ACACB: variants seen among roughly 807,000 people sequenced by gnomAD.
The protein encoded by ACACB is acetyl-CoA carboxylase 2.
Under a neutral mutation model 278.8 loss-of-function variants are expected in ACACB, and 209 were observed. That is an observed-to-expected ratio of 0.75 (90% CI 0.67 to 0.84). The LOEUF is 0.84. Ranked by LOEUF, ACACB falls within the 40% of genes least tolerant of loss-of-function variation. ACACB has a pLI of 0.00. For synonymous variants in ACACB, 1,174 were observed against 1,285.6 expected (o/e 0.91, Z 1.86); for missense variants, 2,850 against 3,269.0 (o/e 0.87, Z 3.13).
In ACACB at chr12:109,179,082, C is replaced by G; in HGVS notation, c.1438-6C>G. 6.2e-7 allele frequency: 1 copy of G among 1,611,152 alleles called. No individual in the cohort carries two copies. Among genetic ancestry groups the G allele is most frequent in the Non-Finnish European group, 8.5e-7 (1 of 1,178,616 alleles). On this transcript the variant is annotated splice_region_variant and splice_polypyrimidine_tract_variant and intron_variant, in intron 9 of 52. Transcript: ENST00000338432. ...GAAGATCAGGCTGCTCTGCTTCCCC[C>G]GACAGGTACAGAGTGAGATCCCAGG...
chr12:109,131,897 G>A (rs765759452), intron 1 of ACACB, among the ~76,000 whole-genome samples: 4 of 152,024 alleles, frequency 2.6e-5, no homozygotes, highest in Admixed American at 6.6e-5. Context: ...TCTTGACCAC[G>A]GCCCCCCCAC....
chr12:109,249,842 GC>G, intron 40 of ACACB, 141 bp from the exon 41 acceptor site: 3 of 1,081,592 alleles, frequency 2.8e-6, no homozygotes, highest in Non-Finnish European at 3.9e-6. Flanking sequence ...GGTTCTAGAT[GC>G]CAATTTCATT....
In ACACB at chr12:109,172,321, C is replaced by T. The variant is rs199655635; in HGVS notation, c.1082C>T (p.Pro361Leu). The change falls in exon 6 of 53, where the codon CCG (proline) becomes CTG (leucine). Residue 361 changes from proline (P) to leucine (L), a missense_variant. Pro to Leu is a moderately conservative substitution (Grantham distance 98, BLOSUM62 -3). This residue lies in a region of ACACB where 2,265 missense variants were observed against 2,561.3 expected (regional missense o/e 0.88). Transcript: ENST00000338432. Reference protein sequence around the residue: ...WGHASENPKLPELLCKNGVAF... With the variant: ...WGHASENPKLLELLCKNGVAF... ...CATGCTTCAGAAAACCCTAAACTTC[C>T]GGAGCTGCTGTGCAAGAATGGAGTT... 6.6e-5 allele frequency: 106 copies of T among 1,614,006 alleles called. No homozygotes were observed. Among genetic ancestry groups the T allele is most frequent in the East Asian group, 4.7e-4 (21 of 44,888 alleles).
At position 109,260,554 on chromosome 12, in the gene ACACB, ATCTATATCCCGCCC is replaced by A. The variant is rs761486242; in HGVS notation, c.6573_6586del (p.Tyr2192CysfsTer42). On this transcript the variant is annotated frameshift_variant, in exon 48 of 53. Transcript: ENST00000338432. LOFTEE classifies it high-confidence loss of function. ...TAGACAATACAAACAGCCCATCCTGATCTATATCCCGCCCTATGCGGAGCTCCGGGGAGGCTCCT... is the reference window on the plus strand; with the variant it reads ...TAGACAATACAAACAGCCCATCCTGATATGCGGAGCTCCGGGGAGGCTCCT... 4.3e-6 allele frequency: 7 copies of A among 1,614,222 alleles called. No individual in the cohort carries two copies. Among genetic ancestry groups the A allele is most frequent in the Non-Finnish European group, 5.9e-6 (7 of 1,180,038 alleles).
intron 1 of ACACB, among the ~76,000 whole-genome samples, chr12:109,132,186 A>G (rs961318957): frequency 1.3e-5 from 2 of 150,864 alleles, no homozygotes; most frequent in Non-Finnish European, 3.0e-5. Context: ...TTTTTTTGAG[A>G]TGGAGTCTCA....
rs376654705 is a variant in ACACB at position 109,212,978 on chromosome 12, A to G, written c.3350+42A>G. On this transcript the variant is annotated intron_variant, in intron 22 of 52. Coordinates refer to ENST00000338432, the MANE Select transcript of ACACB (RefSeq NM_001093.4). ...CCCGTAGGATGTGGTTGTCACCTGA[A>G]TCGTCGCATGCATTGCACCAGGGTG... is the stretch of plus-strand genomic sequence containing the variant. The G allele has an allele frequency of 2.0e-4, 315 of 1,554,380 alleles. 3 individuals carry two copies. Among genetic ancestry groups the G allele is most frequent in the South Asian group, 1.3e-3 (117 of 89,772 alleles).
intron 34 of ACACB, among the ~76,000 whole-genome samples, chr12:109,238,651 G>A (rs989841916): frequency 1.3e-5 from 2 of 150,190 alleles, no homozygotes; most frequent in South Asian, 2.1e-4. Context: ...TGCAACCTCC[G>A]CACCCCCGGG....
Position 109,234,110 on chromosome 12 carries a change from C to T in ACACB, c.4347+65C>T, listed in dbSNP as rs1367528093. 14 of 1,372,020 alleles carry T rather than the reference C, an allele frequency of 1.0e-5. No homozygotes were observed. The East Asian group carries it at 2.0e-4, about 20-fold the overall frequency. The allele number at this position is 1,372,020 out of a possible 1,614,324, so 85.0% of individuals were successfully genotyped here. A position where few individuals can be genotyped will look rare whatever the true frequency, so the allele number is the denominator to read the frequency against. On this transcript the variant is annotated intron_variant, in intron 31 of 52. Coordinates refer to ENST00000338432, the MANE Select transcript of ACACB (RefSeq NM_001093.4). ...GAGAAGGAGGAGGGGCTGGGCTCGT[C>T]GAGGCGGCCCTTGGGGAGGCAGGCG...
chr12:109,205,911 T>C (rs1281278798), intron 19 of ACACB, among the ~76,000 whole-genome samples: 2 of 152,122 alleles, frequency 1.3e-5, no homozygotes, highest in Admixed American at 6.5e-5. Context: ...GTAGAATGAA[T>C]GAGTAGACGA....
intron 2 of ACACB, among the ~76,000 whole-genome samples, chr12:109,156,589 T>G (rs1057299086): frequency 6.7e-3 from 25 of 3,730 alleles, no homozygotes; most frequent in African/African-American, 0.019. Flanking sequence ...TTCTCTCTGT[T>G]TTTTTTTTTT....
At chr12:109,222,763 T>C in intron 25 of ACACB, 36 bp from the exon 26 acceptor site, 1 of 1,584,752 alleles carries the variant, frequency 6.3e-7, no homozygotes, top group South Asian at 1.1e-5. Flanking sequence ...CCTGGGAGGT[T>C]GGCTCACGCC....
chr12:109,222,834 G>A lies in ACACB; in HGVS notation c.3714G>A (p.Leu1238=). The change falls in exon 26 of 53, where the codon CTG becomes CTA. Residue 1238 remains leucine, a synonymous_variant. Transcript: ENST00000338432. The stretch of plus-strand genomic sequence containing the variant: ...CCTCCCACCTCCCCTCCTACGAGCT[G>A]CGGCATAACCAGGTGGAGTCCATTT... The part of the protein sequence containing the change: ...LIASHLPSYE[L]RHNQVESIFL... 1 of 1,613,768 alleles carries A rather than the reference G, an allele frequency of 6.2e-7. No homozygotes were observed. The highest frequency in any genetic ancestry group is 8.5e-7 in the Non-Finnish European group (1 of 1,179,916).
chr12:109,117,170 G>C (rs1200826165), intron 1 of ACACB, among the ~76,000 whole-genome samples: 2 of 150,672 alleles, frequency 1.3e-5, no homozygotes, highest in South Asian at 2.1e-4. Context: ...GACCAGCCTG[G>C]CCAACATGGC....
chr12:109,191,721 CGA>C lies in ACACB; in HGVS notation c.2254_2255del (p.Asp752HisfsTer10), dbSNP rs1479823673. On this transcript the variant is annotated frameshift_variant, in exon 14 of 53. Transcript: ENST00000338432. LOFTEE classifies it high-confidence loss of function. The part of the protein sequence containing the change: ...ETESFQNNDI[D>X]TGWLDYLIAE... ...CCGAGAGCTTCCAGAACAACGACAT[CGA>C]CACCGGGTGGTTGGACTACCTCATT... is the stretch of plus-strand genomic sequence containing the variant. The C allele has an allele frequency of 1.2e-6, 2 of 1,614,148 alleles. No individual in the cohort carries two copies. The highest frequency in any genetic ancestry group is 3.3e-5 in the Admixed American group (2 of 60,026).
rs375750830 is a variant in ACACB at position 109,245,762 on chromosome 12, G to A, written c.5301+14G>A. ...GGTGGAAATGAGGTAATAGCTCAGC[G>A]GAGCCTAACCCCTGGCTGGAGTCAC... On this transcript the variant is annotated intron_variant, in intron 38 of 52. Coordinates refer to ENST00000338432, the MANE Select transcript of ACACB (RefSeq NM_001093.4). 95 of 1,613,244 alleles carry A rather than the reference G, an allele frequency of 5.9e-5. No homozygotes were observed. The highest frequency in any genetic ancestry group is 3.3e-4 in the East Asian group (15 of 44,870).
rs536162971 is a variant in ACACB at position 109,143,272 on chromosome 12, G to A, written c.653+3214G>A. 1.8e-4 allele frequency among the ~76,000 whole-genome samples: 28 copies of A among 151,938 alleles called. No homozygotes were observed. In the South Asian group the frequency reaches 2.3e-3, roughly 12 times the overall value. On this transcript the variant is annotated intron_variant, in intron 2 of 52. Transcript: ENST00000338432. ...AGCTCAGGAGTTCAAGACCAGCCTG[G>A]GCAACATGGCAAAACCTCATCTCTA...
chr12:109,153,465 C>T (rs2043433115), intron 2 of ACACB, among the ~76,000 whole-genome samples: 1 of 152,184 alleles, frequency 6.6e-6, no homozygotes, highest in East Asian at 1.9e-4. Flanking sequence ...GGAGAAAAGA[C>T]ACACAAATTT....
At position 109,120,743 on chromosome 12, in the gene ACACB, G is replaced by A. The variant is rs1281990762; in HGVS notation, c.-10+4039G>A. Among the ~76,000 whole-genome samples, 5 of 152,160 alleles carry A rather than the reference G, an allele frequency of 3.3e-5. No individual in the cohort carries two copies. In the South Asian group the frequency reaches 6.2e-4, roughly 19 times the overall value. On this transcript the variant is annotated intron_variant, in intron 1 of 52. Coordinates refer to ENST00000338432, the MANE Select transcript of ACACB (RefSeq NM_001093.4). ...GGATGAAGAAAACACACCCACACAC[G>A]TGTGCCACACACGTGCACACCTGGA...
At chr12:109,123,337 A>G (rs563740350) in intron 1 of ACACB, among the ~76,000 whole-genome samples, 2 of 151,952 alleles carry the variant, frequency 1.3e-5, no homozygotes, top group African/African-American at 4.8e-5. Flanking sequence ...TTCAACATGC[A>G]TGTCATTAAT....
Sources: allele counts gnomAD v4.1 joint callset (sites outside exome capture counted in the v4.1 genomes callset), GRCh38; gene constraint gnomAD v4.1.1; regional missense constraint gnomAD v4.1.1; transcripts MANE v1.5; gene names NCBI Gene and HGNC (gene_info 2026-07-23, HGNC 2026-07-21).